Variants in FAM163B observed in about 807,000 individuals in gnomAD.
The protein encoded by FAM163B is protein FAM163B.
In FAM163B, 4 loss-of-function variants were observed where a neutral mutation model predicts 7.6. That is an observed-to-expected ratio of 0.52 (90% CI 0.26 to 1.20). FAM163B has a LOEUF of 1.20. Among genes scored for constraint, FAM163B ranks in the 50% most tolerant of loss-of-function variants. The pLI is 0.14. For synonymous variants in FAM163B, 120 were observed against 111.6 expected (o/e 1.07, Z -0.47); for missense variants, 250 against 243.0 (o/e 1.03, Z -0.19).
rs1314607308 is a variant in FAM163B, at chr9:133,601,487, C to T, written c.-24+7590G>A. ...CAAATAGCAGCATTAACCACAGGGG[C>T]CTGGCCAGGCGAGACCCACTCTCTC... On this transcript the variant is annotated intron_variant, in intron 1 of 2. Coordinates refer to ENST00000673969, the MANE Select transcript of FAM163B (RefSeq NM_001080515.3). The surrounding 1 kb of genome is among the most constrained non-coding windows in gnomAD (Gnocchi z 4.1). 1.3e-5 allele frequency among the ~76,000 whole-genome samples: 2 copies of T among 152,134 alleles called. No homozygotes were observed. Among genetic ancestry groups the T allele is most frequent in the African/African-American group, 4.8e-5 (2 of 41,406 alleles).
chr9:133,597,282 G>A (rs1392970482), intron 1 of FAM163B, among the ~76,000 whole-genome samples: 1 of 152,194 alleles, frequency 6.6e-6, no homozygotes, highest in Non-Finnish European at 1.5e-5. Flanking sequence ...TAGAGACATA[G>A]AAGATAGGAA....
chr9:133,607,821 A>AT (rs1564199683), intron 1 of FAM163B, among the ~76,000 whole-genome samples: 3 of 152,062 alleles, frequency 2.0e-5, no homozygotes, highest in South Asian at 2.1e-4. Context: ...TTAGGGTGAG[A>AT]TTTTTTCACA....
At chr9:133,597,148 T>C (rs1434443568) in intron 1 of FAM163B, among the ~76,000 whole-genome samples, 1 of 152,080 alleles carries the variant, frequency 6.6e-6, no homozygotes, top group African/African-American at 2.4e-5. Flanking sequence ...GAACAGAAAA[T>C]CAATTCATTG....
intron 1 of FAM163B, among the ~76,000 whole-genome samples, chr9:133,592,789 ACT>A (rs1831574229): frequency 6.6e-6 from 1 of 151,824 alleles, no homozygotes; most frequent in East Asian, 1.9e-4. Flanking sequence ...GGGGTCAGAA[ACT>A]CTGGGGGTGA....
chr9:133,585,795 C>G (rs1831427482), intron 1 of FAM163B, among the ~76,000 whole-genome samples: 2 of 152,224 alleles, frequency 1.3e-5, no homozygotes, highest in African/African-American at 4.8e-5. Flanking sequence ...ATGGGGAAAC[C>G]AAGGCCAGGG....
At chr9:133,586,684 CTG>C (rs79664741) in intron 1 of FAM163B, among the ~76,000 whole-genome samples, 11,689 of 152,228 alleles carry the variant, frequency 0.077, 762 homozygotes, top group African/African-American at 0.19. Flanking sequence ...CCAGGGGTCT[CTG>C]TGCTCTTAAA....
chr9:133,584,055 C>A (rs905749948), intron 1 of FAM163B, among the ~76,000 whole-genome samples: 114 of 152,254 alleles, frequency 7.5e-4, no homozygotes, highest in Non-Finnish European at 1.2e-3. Flanking sequence ...CCATCCCCCC[C>A]CCGGACCTAC....
At chr9:133,596,203 G>T (rs959822960) in intron 1 of FAM163B, among the ~76,000 whole-genome samples, 1 of 151,198 alleles carries the variant, frequency 6.6e-6, no homozygotes, top group Admixed American at 6.6e-5. Context: ...GGGGAGCAGG[G>T]AGGAGTCCTG....
At chr9:133,599,182 C>T (rs939438465) in intron 1 of FAM163B, among the ~76,000 whole-genome samples, 11 of 152,210 alleles carry the variant, frequency 7.2e-5, no homozygotes, top group African/African-American at 2.7e-4. Context: ...ACAGAGTTCG[C>T]CTCTGCCTCC....
In FAM163B at chr9:133,577,755, GCCTT is replaced by G. The variant is rs1255118868; in HGVS notation, c.*1263_*1266del. Among the ~76,000 whole-genome samples, 1 of 152,230 alleles carries G rather than the reference GCCTT, an allele frequency of 6.6e-6. No individual in the cohort carries two copies. Among genetic ancestry groups the G allele is most frequent in the African/African-American group, 2.4e-5 (1 of 41,458 alleles). ...GCCTCTTTCTGGGTGAGGAAGAGCT[GCCTT>G]CCTGATGGCTGGTGTCCTGGGATGT... On this transcript the variant is annotated 3_prime_UTR_variant, in exon 3 of 3. Coordinates refer to ENST00000673969, the MANE Select transcript of FAM163B (RefSeq NM_001080515.3).
At chr9:133,589,760 G>A (rs1831508915) in intron 1 of FAM163B, among the ~76,000 whole-genome samples, 1 of 152,148 alleles carries the variant, frequency 6.6e-6, no homozygotes, top group African/African-American at 2.4e-5. Flanking sequence ...CTGATCCCCA[G>A]TGTTTCCCAG....
At chr9:133,580,106 C>A (rs1300387580) in intron 2 of FAM163B, 25 bp downstream of exon 2, 12 of 1,601,614 alleles carry the variant, frequency 7.5e-6, no homozygotes, top group Non-Finnish European at 1.0e-5. Context: ...CCTGCCCTGT[C>A]CCCTTCCCCG....
At position 133,579,268 on chromosome 9, in the gene FAM163B, C is replaced by T. The variant is rs753334287; in HGVS notation, c.255G>A (p.Pro85=). The change falls in exon 3 of 3, where the codon CCG becomes CCA. Residue 85 remains proline, a synonymous_variant. Transcript: ENST00000673969. The stretch of plus-strand genomic sequence containing the variant: ...AGCTGCGGCAGAGGGCGCGGGCCTG[C>T]GGGGACTTCTGGCTGAAGGAGGTGG... ...TASTSFSQKS[P]QARALCRSCS... 35 of 1,612,536 alleles carry T rather than the reference C, an allele frequency of 2.2e-5. No individual in the cohort carries two copies. In the South Asian group the frequency reaches 2.5e-4, roughly 12 times the overall value.
chr9:133,587,568 C>T (rs1260418736), intron 1 of FAM163B, among the ~76,000 whole-genome samples: 1 of 152,152 alleles, frequency 6.6e-6, no homozygotes, highest in Non-Finnish European at 1.5e-5. Flanking sequence ...CTTCCTCTGA[C>T]CCAGTGGGCA....
intron 1 of FAM163B, among the ~76,000 whole-genome samples, chr9:133,589,292 G>C (rs1416168733): frequency 6.6e-6 from 1 of 152,180 alleles, no homozygotes; most frequent in Non-Finnish European, 1.5e-5. Flanking sequence ...AGGAGGGCAT[G>C]GCACCCTTCA....
In FAM163B at chr9:133,579,202, C is replaced by T. The variant is rs1251299517; in HGVS notation, c.321G>A (p.Pro107=). The T allele has an allele frequency of 3.7e-6, 6 of 1,611,980 alleles. No homozygotes were observed. The African/African-American group carries it at 4.0e-5, about 11-fold the overall frequency. The part of the protein sequence containing the change: ...CEPPTFFLQE[P]PEEEEDVLNG... ...TCAGCACGTCCTCTTCCTCCTCCGG[C>T]GGCTCCTGCAGGAAGAAGGTGGGGG... is the stretch of plus-strand genomic sequence containing the variant. Residue 107 remains proline (P), a synonymous_variant, in exon 3 of 3, where the codon CCG becomes CCA. Transcript: ENST00000673969.
chr9:133,585,880 C>T (rs916145909), intron 1 of FAM163B: 10 of 152,242 alleles, frequency 6.6e-5, no homozygotes, highest in Non-Finnish European at 1.2e-4. Context: ...CGGTCAGACT[C>T]CTCCCCATGC....
rs1043655405 is a variant in FAM163B, at chr9:133,601,803, G to A, written c.-24+7274C>T. ...CATCTGACCACCATGGCGTCAGGGC[G>A]CGTCTCAGAAGGCTTGACTAAAGCT... On this transcript the variant is annotated intron_variant, in intron 1 of 2. Coordinates refer to ENST00000673969, the MANE Select transcript of FAM163B (RefSeq NM_001080515.3). The surrounding 1 kb of genome is among the most constrained non-coding windows in gnomAD (Gnocchi z 4.1). 6.6e-6 allele frequency among the ~76,000 whole-genome samples: 1 copy of A among 152,192 alleles called. No individual in the cohort carries two copies. The highest frequency in any genetic ancestry group is 1.5e-5 in the Non-Finnish European group (1 of 68,032).
At chr9:133,605,731 C>T (rs889609391) in intron 1 of FAM163B, among the ~76,000 whole-genome samples, 3 of 152,176 alleles carry the variant, frequency 2.0e-5, no homozygotes, top group South Asian at 2.1e-4. Flanking sequence ...CGGCCCATCC[C>T]GAGCGTCCGG....
Sources: allele counts gnomAD v4.1 joint callset (sites outside exome capture counted in the v4.1 genomes callset), GRCh38; gene constraint gnomAD v4.1.1; non-coding constraint Gnocchi (gnomAD v3.1); transcripts MANE v1.5; gene names NCBI Gene and HGNC (gene_info 2026-07-23, HGNC 2026-07-21).